UPP2: variants seen among roughly 807,000 people sequenced by gnomAD.
The protein encoded by UPP2 is uridine phosphorylase 2.
In UPP2, 23 loss-of-function variants were observed where a neutral mutation model predicts 26.7. The ratio of observed to expected loss-of-function variants is 0.86; its 90% CI spans 0.62 to 1.22. The LOEUF (loss-of-function observed/expected upper bound fraction) is 1.22, where lower values mean the gene tolerates loss of function less well. Ranked by LOEUF, UPP2 falls within the 50% of genes most tolerant of loss-of-function variation. UPP2 has a pLI of 0.00. For missense variants in UPP2, 387 were observed against 396.7 expected, an observed-to-expected ratio of 0.98 and a Z score of 0.21; for synonymous variants, 127 against 141.3, an observed-to-expected ratio of 0.90 and a Z score of 0.72.
intron 3 of UPP2, among the ~76,000 whole-genome samples, chr2:158,075,517 AAATC>A (rs1405992815): frequency 6.6e-6 from 1 of 152,068 alleles, no homozygotes; most frequent in African/African-American, 2.4e-5. Flanking sequence ...ATAGAACTAG[AAATC>A]AATATCAAGT....
chr2:158,025,876 C>G (rs1683825811), intron 3 of UPP2, among the ~76,000 whole-genome samples: 1 of 152,194 alleles, frequency 6.6e-6, no homozygotes, highest in Non-Finnish European at 1.5e-5. Context: ...GGATAAACAT[C>G]ACATCCTCGT....
At chr2:158,070,952 C>CATTGCCTGCCCACAGAGAGATCATTTG (rs1682528963) in intron 3 of UPP2, among the ~76,000 whole-genome samples, 1 of 152,192 alleles carries the variant, frequency 6.6e-6, no homozygotes, top group Non-Finnish European at 1.5e-5. Flanking sequence ...TGGGCTCAGC[C>CATTGCCTGCCCACAGAGAGATCATTTG]ATTGCCTGCC....
chr2:158,093,461 GA>G (rs757284932), intron 3 of UPP2, among the ~76,000 whole-genome samples: 8 of 152,070 alleles, frequency 5.3e-5, no homozygotes, highest in Non-Finnish European at 1.0e-4. Flanking sequence ...GGAAAGTTTG[GA>G]AGTAAAGGAC....
chr2:158,126,072 G>A (rs759988708), intron 6 of UPP2, among the ~76,000 whole-genome samples: 1 of 152,224 alleles, frequency 6.6e-6, no homozygotes, highest in Non-Finnish European at 1.5e-5. Context: ...CAGCCAAGAA[G>A]AGTTCTAGGC....
At chr2:158,129,983 T>C (rs1319189057) in intron 6 of UPP2, among the ~76,000 whole-genome samples, 1 of 151,962 alleles carries the variant, frequency 6.6e-6, no homozygotes, top group Non-Finnish European at 1.5e-5. Context: ...AAAGTCGAGG[T>C]CTCACTTTGT....
At chr2:158,059,104 G>A (rs1682309794) in intron 3 of UPP2, among the ~76,000 whole-genome samples, 1 of 152,210 alleles carries the variant, frequency 6.6e-6, no homozygotes, top group African/African-American at 2.4e-5. Context: ...TCTTCAAGAA[G>A]TGATTAAAGA....
At chr2:158,006,697 A>G (rs1683494544) in intron 2 of UPP2, among the ~76,000 whole-genome samples, 1 of 152,134 alleles carries the variant, frequency 6.6e-6, no homozygotes, top group Non-Finnish European at 1.5e-5. Context: ...TTTGGCAAAC[A>G]AGCTAACAAA....
chr2:158,024,322 C>A (rs116817954), intron 3 of UPP2, among the ~76,000 whole-genome samples: 31 of 152,214 alleles, frequency 2.0e-4, no homozygotes, highest in Admixed American at 2.6e-4. Flanking sequence ...TTTAGAATAG[C>A]TTTCTTGCCC....
rs148630660 is a variant in UPP2 at position 158,018,245 on chromosome 2, T to C, written c.147+2359T>C. On this transcript the variant is annotated intron_variant, in intron 3 of 9. Transcript: ENST00000605860. ...CTGTGATATCCCAAGAAATAGCTAC[T>C]TGCAAAAATATCTAGTAAGGGTGCA... Among the ~76,000 whole-genome samples the C allele has an allele frequency of 4.9e-4, 75 of 152,360 alleles. No individual in the cohort carries two copies. In the East Asian group the frequency reaches 0.012, roughly 25 times the overall value.
chr2:158,127,000 AACAAAGGTCTT>A (rs1461344030), intron 6 of UPP2, among the ~76,000 whole-genome samples: 2 of 152,200 alleles, frequency 1.3e-5, no homozygotes, highest in Admixed American at 1.3e-4. Context: ...TACTTACATA[AACAAAGGTCTT>A]CTAGAGAACC....
chr2:158,050,188 C>T (rs1682126446), intron 3 of UPP2, among the ~76,000 whole-genome samples: 1 of 152,126 alleles, frequency 6.6e-6, no homozygotes, highest in Non-Finnish European at 1.5e-5. Context: ...AAACAGACAC[C>T]TTTATGAACT....
chr2:158,099,341 T>A (rs1346296883), upstream of UPP2, among the ~76,000 whole-genome samples: 1 of 152,162 alleles, frequency 6.6e-6, no homozygotes, highest in Non-Finnish European at 1.5e-5. Context: ...CCATTGCTGG[T>A]GCTATGGGCT....
chr2:158,103,071 T>C (rs1320456648), intron 1 of UPP2, among the ~76,000 whole-genome samples: 3 of 152,170 alleles, frequency 2.0e-5, no homozygotes. Flanking sequence ...ACCTATTTAG[T>C]AAAAATTATA....
intron 3 of UPP2, among the ~76,000 whole-genome samples, chr2:158,057,052 T>C (rs1173994805): frequency 6.6e-6 from 1 of 152,176 alleles, no homozygotes; most frequent in Non-Finnish European, 1.5e-5. Flanking sequence ...GCTTTTCTTA[T>C]GATAACACTA....
Position 158,030,013 on chromosome 2 carries a change from T to A in UPP2, c.147+14127T>A, listed in dbSNP as rs538277019. On this transcript the variant is annotated intron_variant, in intron 3 of 9. Transcript: ENST00000605860. ...AAACACAAAATAGCAAAAAGGGAAG[T>A]AGTTGTATTGTCAACTTATAGAATG... Among the ~76,000 whole-genome samples the A allele has an allele frequency of 3.3e-5, 5 of 152,316 alleles. No individual in the cohort carries two copies. The South Asian group carries it at 1.0e-3, about 32-fold the overall frequency.
chr2:158,051,232 G>A (rs1317757185), intron 3 of UPP2, among the ~76,000 whole-genome samples: 1 of 145,544 alleles, frequency 6.9e-6, no homozygotes, highest in Non-Finnish European at 1.5e-5. Flanking sequence ...TCATAACAAC[G>A]CAGTCTGTCA....
chr2:158,008,562 C>T (rs1317928589), intron 2 of UPP2, among the ~76,000 whole-genome samples: 4 of 152,118 alleles, frequency 2.6e-5, no homozygotes, highest in Non-Finnish European at 5.9e-5. Context: ...ATGGGTATCC[C>T]GTTTCCCTAA....
intron 3 of UPP2, among the ~76,000 whole-genome samples, chr2:158,072,454 A>C (rs1474060591): frequency 6.6e-6 from 1 of 152,190 alleles, no homozygotes; most frequent in African/African-American, 2.4e-5. Flanking sequence ...CCATCTGCAG[A>C]CTGTAGAACC....
intron 3 of UPP2, among the ~76,000 whole-genome samples, chr2:158,053,025 T>C (rs1484053201): frequency 6.6e-6 from 1 of 152,076 alleles, no homozygotes; most frequent in Non-Finnish European, 1.5e-5. Context: ...ATCTCCTCAT[T>C]ACAGGGAAAG....
Sources: allele counts gnomAD v4.1 joint callset (sites outside exome capture counted in the v4.1 genomes callset), GRCh38; gene constraint gnomAD v4.1.1; transcripts MANE v1.5; gene names NCBI Gene and HGNC (gene_info 2026-07-23, HGNC 2026-07-21).